Variants in CEP83 observed in about 807,000 individuals in gnomAD.
The protein encoded by CEP83 is centrosomal protein of 83 kDa.
Under a neutral mutation model 101.9 loss-of-function variants are expected in CEP83, and 70 were observed. The observed-to-expected ratio is 0.69, with a 90% CI of 0.57 to 0.84. The LOEUF (loss-of-function observed/expected upper bound fraction) is 0.84, where lower values mean the gene tolerates loss of function less well. CEP83 is among the 40% of genes least tolerant of loss of function. CEP83 has a pLI of 0.00. For missense variants in CEP83, 715 were observed against 787.2 expected (o/e 0.91, Z 1.10); for synonymous variants, 264 against 267.9 (o/e 0.99, Z 0.14).
At chr12:94,383,291 A>C (rs2061951935) in intron 6 of CEP83, among the ~76,000 whole-genome samples, 1 of 152,126 alleles carries the variant, frequency 6.6e-6, no homozygotes, top group Admixed American at 6.5e-5. Flanking sequence ...GACATCATAC[A>C]GTTACCCCTT....
At chr12:94,312,307 CATG>C (rs1158959069) in intron 15 of CEP83, among the ~76,000 whole-genome samples, 6 of 152,178 alleles carry the variant, frequency 3.9e-5, no homozygotes, top group Non-Finnish European at 7.3e-5. Flanking sequence ...AACGTCACTG[CATG>C]ATATTATAGG....
At position 94,363,864 on chromosome 12, in the gene CEP83, C is replaced by T. The variant is rs368563654; in HGVS notation, c.1343+3930G>A. On this transcript the variant is annotated intron_variant, in intron 11 of 16. Coordinates refer to ENST00000397809, the MANE Select transcript of CEP83 (RefSeq NM_016122.3). ...TTGGGAGACTAAGGCAGGAGAATGG[C>T]TTGAACCTGGGAGACAGAGGTTGCA... is the stretch of plus-strand genomic sequence containing the variant. Among the ~76,000 whole-genome samples the T allele has an allele frequency of 2.7e-5, 4 of 150,874 alleles. No homozygotes were observed. In the East Asian group the frequency reaches 5.9e-4, roughly 22 times the overall value.
chr12:94,424,594 C>G (rs898881669), intron 2 of CEP83: 17 of 1,613,586 alleles, frequency 1.1e-5, no homozygotes, highest in Non-Finnish European at 1.4e-5. Flanking sequence ...GCTTTACCAT[C>G]TGTGCCTGTA....
intron 2 of CEP83, among the ~76,000 whole-genome samples, chr12:94,420,315 C>T (rs2064623155): frequency 1.3e-5 from 2 of 152,156 alleles, no homozygotes; most frequent in African/African-American, 4.8e-5. Context: ...CACAGGTCCA[C>T]AAAAAGATTT....
At chr12:94,375,144 G>A (rs866660011) in intron 8 of CEP83, among the ~76,000 whole-genome samples, 2 of 152,064 alleles carry the variant, frequency 1.3e-5, no homozygotes, top group Non-Finnish European at 2.9e-5. Context: ...AAGGTGGTGG[G>A]AAAGAAAAGG....
At chr12:94,325,419 C>T (rs536278597) in intron 14 of CEP83, among the ~76,000 whole-genome samples, 52 of 152,212 alleles carry the variant, frequency 3.4e-4, no homozygotes, top group Non-Finnish European at 4.7e-4. Flanking sequence ...GTGATCTGTC[C>T]GCCTTGGCCT....
chr12:94,286,232 C>CTTT, the CEP83 span, among the ~76,000 whole-genome samples: 3 of 152,170 alleles, frequency 2.0e-5, no homozygotes, highest in Admixed American at 1.3e-4. Flanking sequence ...GACATGAAGG[C>CTTT]TTAAAGGATT....
chr12:94,387,718 A>G (rs1324096733), intron 6 of CEP83, among the ~76,000 whole-genome samples: 2 of 152,222 alleles, frequency 1.3e-5, no homozygotes, highest in African/African-American at 4.8e-5. Context: ...ATCTATAAGG[A>G]ATTTACATAA....
chr12:94,433,025 AG>A (rs1193030222), intron 2 of CEP83, among the ~76,000 whole-genome samples: 1 of 152,230 alleles, frequency 6.6e-6, no homozygotes, highest in African/African-American at 2.4e-5. Context: ...AAGGGATGCA[AG>A]GAAGAAACAT....
rs376439122 is a variant in CEP83 at position 94,373,724 on chromosome 12, TACTC to T, written c.933+2158_933+2161del. On this transcript the variant is annotated intron_variant, in intron 8 of 16. Coordinates refer to ENST00000397809, the MANE Select transcript of CEP83 (RefSeq NM_016122.3). ...AATACCTTTTAATCCAAGACACTGA[TACTC>T]ACACTGACATAACTTTGTTCTAAAA... Among the ~76,000 whole-genome samples the T allele has an allele frequency of 5.0e-4, 76 of 152,336 alleles. 1 individual carries two copies. The East Asian group carries it at 6.6e-3, about 13-fold the overall frequency.
At chr12:94,341,529 A>G (rs2136626559) in intron 11 of CEP83, among the ~76,000 whole-genome samples, 1 of 150,606 alleles carries the variant, frequency 6.6e-6, no homozygotes, top group South Asian at 2.1e-4. Flanking sequence ...CAAGGAAAAA[A>G]TACCACAATT....
At chr12:94,424,276 A>T in intron 2 of CEP83, 1 of 1,614,200 alleles carries the variant, frequency 6.2e-7, no homozygotes, top group African/African-American at 1.3e-5. Flanking sequence ...CATTTTGCAC[A>T]AATATTCCTT....
At chr12:94,420,513 T>C (rs1298557658) in intron 2 of CEP83, among the ~76,000 whole-genome samples, 1 of 152,250 alleles carries the variant, frequency 6.6e-6, no homozygotes, top group East Asian at 1.9e-4. Context: ...ATGATGGCTT[T>C]GAACGCAGCC....
rs1195272263 is a variant in CEP83 at position 94,423,777 on chromosome 12, C to T, written c.-101-11186G>A. 4 of 1,613,528 alleles carry T rather than the reference C, an allele frequency of 2.5e-6. No individual in the cohort carries two copies. In the African/African-American group the frequency reaches 5.3e-5, roughly 22 times the overall value. ...TGAACTGGAAAGAATAGACCCCATG[C>T]TCTGAGGGTGTGTCCACTGCCACTT... is the stretch of plus-strand genomic sequence containing the variant. On this transcript the variant is annotated intron_variant, in intron 2 of 16. Coordinates refer to ENST00000397809, the MANE Select transcript of CEP83 (RefSeq NM_016122.3).
intron 7 of CEP83, among the ~76,000 whole-genome samples, chr12:94,378,365 T>C (rs1360791207): frequency 2.0e-5 from 3 of 152,226 alleles, no homozygotes; most frequent in South Asian, 2.1e-4. Flanking sequence ...TGTCGTAAGA[T>C]ACATCAGTAT....
downstream of CEP83, chr12:94,304,109 T>C (rs1047945603): frequency 1.3e-5 from 14 of 1,090,248 alleles, no homozygotes; most frequent in African/African-American, 7.9e-5. Context: ...GATGTGGTTA[T>C]AGCATTCTGT....
chr12:94,275,604 A>G, the CEP83 span, among the ~76,000 whole-genome samples: 1 of 86,186 alleles, frequency 1.2e-5, no homozygotes, highest in Non-Finnish European at 2.4e-5. Flanking sequence ...CTGTAATCCC[A>G]GCACTTTGGG....
the CEP83 span, among the ~76,000 whole-genome samples, chr12:94,275,180 G>T: frequency 5.9e-5 from 9 of 152,334 alleles, no homozygotes; most frequent in East Asian, 5.8e-4. Flanking sequence ...CTTGCTGAGG[G>T]TGATAGTCAC....
In CEP83 at chr12:94,308,808, G is replaced by A. The variant is rs758141780; in HGVS notation, c.*5C>T. The A allele has an allele frequency of 1.3e-6, 2 of 1,588,672 alleles. No homozygotes were observed. The highest frequency in any genetic ancestry group is 1.7e-6 in the Non-Finnish European group (2 of 1,157,348). On this transcript the variant is annotated 3_prime_UTR_variant, in exon 17 of 17. Transcript: ENST00000397809. ...CTCTTTTGATCTGCCTGTTCTCCAA[G>A]AACATCATTCTCCGGAAGATCCAAG...
Sources: gnomAD v4.1 joint callset for allele counts (sites outside exome capture counted in the v4.1 genomes callset) on GRCh38, gnomAD v4.1.1 for gene constraint, MANE v1.5 for transcripts, NCBI Gene and HGNC (gene_info 2026-07-23, HGNC 2026-07-21) for gene names.